Variants in ACTN2 observed in about 807,000 individuals in gnomAD.
ACTN2 encodes alpha-actinin-2.
In ACTN2, 39 loss-of-function variants were observed where a neutral mutation model predicts 113.8. The observed-to-expected ratio is 0.34, with a 90% CI of 0.27 to 0.45. ACTN2 has a LOEUF of 0.45. Among genes scored for constraint, ACTN2 ranks in the 20% least tolerant of loss-of-function variants. The probability of loss-of-function intolerance (pLI) is 1.00; values close to 1 mark genes in which losing one functional copy is unlikely to be tolerated. For synonymous variants in ACTN2, 429 were observed against 444.1 expected (o/e 0.97, Z 0.43); for missense variants, 992 against 1,177.9 (o/e 0.84, Z 2.31).
chr1:236,751,072 C>T (rs1238318191), intron 14 of ACTN2, among the ~76,000 whole-genome samples: 1 of 122,052 alleles, frequency 8.2e-6, no homozygotes, highest in Non-Finnish European at 1.6e-5. Context: ...CCTGAGTGAC[C>T]TAGCGAGACC....
chr1:236,688,160 G>A (rs1178600222), intron 1 of ACTN2, among the ~76,000 whole-genome samples: 1 of 152,014 alleles, frequency 6.6e-6, no homozygotes, highest in Non-Finnish European at 1.5e-5. Context: ...AAGTTAAAAA[G>A]TGACTTTAAT....
At chr1:236,746,589 C>T (rs554515428) in intron 12 of ACTN2, among the ~76,000 whole-genome samples, 1 of 151,872 alleles carries the variant, frequency 6.6e-6, no homozygotes, top group African/African-American at 2.4e-5. Flanking sequence ...GCCTGTAGTC[C>T]CAGCTACTTG....
At chr1:236,690,285 G>A (rs1460806451) in intron 1 of ACTN2, among the ~76,000 whole-genome samples, 1 of 152,184 alleles carries the variant, frequency 6.6e-6, no homozygotes, top group Admixed American at 6.5e-5. Context: ...CCCTTGTTCT[G>A]TGGGCAGCAG....
At chr1:236,702,343 C>T (rs987664946) in intron 1 of ACTN2, among the ~76,000 whole-genome samples, 2 of 152,108 alleles carry the variant, frequency 1.3e-5, no homozygotes, top group Non-Finnish European at 2.9e-5. Flanking sequence ...TTATGCTCTC[C>T]TGAATTATTG....
chr1:236,751,503 AC>A lies in ACTN2; in HGVS notation c.1691del (p.Thr564SerfsTer22). 1 of 1,614,166 alleles carries A rather than the reference AC, an allele frequency of 6.2e-7. No individual in the cohort carries two copies. Among genetic ancestry groups the A allele is most frequent in the African/African-American group, 1.3e-5 (1 of 75,048 alleles). On this transcript the variant is annotated frameshift_variant, in exon 15 of 21. Transcript: ENST00000366578. LOFTEE classifies it high-confidence loss of function. ...LITAHEQFKA[T>X]LPEADGERQS... is the part of the protein sequence containing the mutation. Reference sequence around the variant, plus strand: ...CACTGCGCATGAGCAGTTCAAGGCCACGCTGCCCGAGGCGGACGGAGAGCGG... The same window carrying A: ...CACTGCGCATGAGCAGTTCAAGGCCAGCTGCCCGAGGCGGACGGAGAGCGG...
chr1:236,691,599 C>T (rs560069527), intron 1 of ACTN2, among the ~76,000 whole-genome samples: 8 of 151,982 alleles, frequency 5.3e-5, no homozygotes, highest in Non-Finnish European at 8.8e-5. Flanking sequence ...GAGCTGTGAT[C>T]GTGCCGCTGC....
intron 17 of ACTN2, among the ~76,000 whole-genome samples, chr1:236,756,869 GT>G (rs1659565899): frequency 5.3e-5 from 1 of 19,038 alleles, no homozygotes; most frequent in African/African-American, 2.2e-4. Flanking sequence ...ATACTGCAGA[GT>G]GCCCGCTGCC....
intron 1 of ACTN2, among the ~76,000 whole-genome samples, chr1:236,689,334 TATATAC>T (rs1162665873): frequency 1.7e-4 from 6 of 35,060 alleles, no homozygotes; most frequent in South Asian, 8.6e-4. Flanking sequence ...TATATATATA[TATATAC>T]ACACACATAT....
intron 14 of ACTN2, 88 bp downstream of exon 14, chr1:236,749,352 T>C: frequency 6.4e-7 from 1 of 1,559,428 alleles, no homozygotes; most frequent in Non-Finnish European, 8.7e-7. Flanking sequence ...TTTCTTGTTT[T>C]CTTGCTTTAA....
chr1:236,723,621 G>A (rs1320665737), intron 4 of ACTN2, among the ~76,000 whole-genome samples: 4 of 151,876 alleles, frequency 2.6e-5, no homozygotes, highest in Admixed American at 1.3e-4. Context: ...GCCCGCCACC[G>A]TGCCCGGCTA....
At position 236,711,947 on chromosome 1, in the gene ACTN2, A is replaced by G. The variant is rs564034944; in HGVS notation, c.127-5911A>G. Among the ~76,000 whole-genome samples the G allele has an allele frequency of 5.3e-5, 8 of 152,298 alleles. No homozygotes were observed. In the East Asian group the frequency reaches 1.5e-3, roughly 29 times the overall value. On this transcript the variant is annotated intron_variant, in intron 1 of 20. Coordinates refer to ENST00000366578, the MANE Select transcript of ACTN2 (RefSeq NM_001103.4). The stretch of plus-strand genomic sequence containing the variant: ...TTGGCCTCTTTCTTCTGTGGTCTGT[A>G]TCTGATTCAGTAAAGCAACATTTCC...
At chr1:236,739,948 C>T (rs1190005713) in intron 10 of ACTN2, among the ~76,000 whole-genome samples, 2 of 152,178 alleles carry the variant, frequency 1.3e-5, no homozygotes, top group East Asian at 1.9e-4. Flanking sequence ...TCCCTCTCCA[C>T]CGAATCATGC....
chr1:236,762,644 C>T lies in ACTN2; in HGVS notation c.*25C>T. On this transcript the variant is annotated 3_prime_UTR_variant, in exon 21 of 21. Transcript: ENST00000366578. The stretch of plus-strand genomic sequence containing the variant: ...ATGCTGAGCTTCTGTAATCACTCAT[C>T]CCATCAGAATGCAATAAAAGCGGAA... 1 of 1,611,918 alleles carries T rather than the reference C, an allele frequency of 6.2e-7. No homozygotes were observed. Among genetic ancestry groups the T allele is most frequent in the African/African-American group, 1.3e-5 (1 of 74,964 alleles).
intron 4 of ACTN2, among the ~76,000 whole-genome samples, chr1:236,725,484 C>T (rs578141785): frequency 3.3e-5 from 5 of 151,950 alleles, no homozygotes; most frequent in South Asian, 4.2e-4. Flanking sequence ...AAAAATTAAC[C>T]GGGCATGGTG....
intron 4 of ACTN2, among the ~76,000 whole-genome samples, chr1:236,723,470 T>C (rs1658460013): frequency 6.6e-6 from 1 of 152,152 alleles, no homozygotes; most frequent in Admixed American, 6.5e-5. Context: ...TGTTGTTTTG[T>C]TTTGTTTTGT....
chr1:236,721,537 C>T (rs1658396107), intron 4 of ACTN2, among the ~76,000 whole-genome samples: 1 of 152,124 alleles, frequency 6.6e-6, no homozygotes, highest in African/African-American at 2.4e-5. Flanking sequence ...GAATGACAGC[C>T]AGCTTGAATT....
At chr1:236,692,247 C>T (rs1197352724) in intron 1 of ACTN2, among the ~76,000 whole-genome samples, 1 of 152,226 alleles carries the variant, frequency 6.6e-6, no homozygotes, top group Admixed American at 6.6e-5. Context: ...TGTTGTTCCA[C>T]AGTAGGCTGT....
rs780923255 is a variant in ACTN2, at chr1:236,749,211, G to A, written c.1603G>A (p.Ala535Thr). ...AAPFNNWMEG[A>T]MEDLQDMFIV... Reference sequence around the variant, plus strand: ...TCCTTTCAACAATTGGATGGAGGGCGCTATGGAGGATCTGCAAGATATGTT... The same window carrying A: ...TCCTTTCAACAATTGGATGGAGGGCACTATGGAGGATCTGCAAGATATGTT... Residue 535 changes from alanine to threonine, a missense_variant, in exon 14 of 21, where the codon GCT (alanine) becomes ACT (threonine). Physicochemically the swap from Ala to Thr is moderately conservative, Grantham distance 58 (BLOSUM62 0). This residue lies in a region of ACTN2 where 736 missense variants were observed against 815.4 expected (regional missense o/e 0.90). Coordinates refer to ENST00000366578, the MANE Select transcript of ACTN2 (RefSeq NM_001103.4). 1.4e-5 allele frequency: 23 copies of A among 1,614,076 alleles called. No homozygotes were observed. The highest frequency in any genetic ancestry group is 1.9e-5 in the Non-Finnish European group (22 of 1,180,040).
chr1:236,762,726 G>T lies in ACTN2; in HGVS notation c.*107G>T. 7.2e-7 allele frequency: 1 copy of T among 1,397,702 alleles called. No individual in the cohort carries two copies. The allele number at this position is 1,397,702 out of a possible 1,614,324, so 86.6% of individuals were successfully genotyped here. On this transcript the variant is annotated 3_prime_UTR_variant, in exon 21 of 21. Coordinates refer to ENST00000366578, the MANE Select transcript of ACTN2 (RefSeq NM_001103.4). ...GCTTTATTAAGTTGAGAGAGAGAGA[G>T]GGGAAAAAAAAAAGCCTTTCGTAGT... is the stretch of plus-strand genomic sequence containing the variant.
Sources: allele counts gnomAD v4.1 joint callset (sites outside exome capture counted in the v4.1 genomes callset), GRCh38; gene constraint gnomAD v4.1.1; regional missense constraint gnomAD v4.1.1; transcripts MANE v1.5; gene names NCBI Gene and HGNC (gene_info 2026-07-23, HGNC 2026-07-21).